The following RYR2 variants were observed in gnomAD, a reference collection of about 807,000 sequenced individuals.
RYR2 encodes the protein cardiac muscle ryanodine receptor-calcium release channel.
A neutral mutation model predicts 601.1 loss-of-function variants in RYR2; 227 were observed. That is an observed-to-expected ratio of 0.38 (90% confidence interval 0.34 to 0.42). The LOEUF is 0.42. Ranked by LOEUF, RYR2 falls within the 10% of genes least tolerant of loss-of-function variation. RYR2 has a pLI of 1.00. For synonymous variants in RYR2, 2,223 were observed against 2,175.1 expected, an observed-to-expected ratio of 1.02 and a Z score of -0.61; for missense variants, 4,646 against 6,156.5, an observed-to-expected ratio of 0.75 and a Z score of 8.21.
intron 2 of RYR2, among the ~76,000 whole-genome samples, chr1:237,308,977 T>A (rs1694221842): frequency 6.6e-6 from 1 of 152,230 alleles, no homozygotes; most frequent in African/African-American, 2.4e-5. Context: ...GTTCTCCAAG[T>A]CCCCACTAGA....
intron 29 of RYR2, among the ~76,000 whole-genome samples, chr1:237,577,551 TGAGAGA>T (rs60270548): frequency 4.6e-5 from 6 of 129,646 alleles, no homozygotes; most frequent in Admixed American, 1.6e-4. Context: ...TGTGTGTGTT[TGAGAGA>T]GAGAGAGAGA....
At position 237,388,175 on chromosome 1, in the gene RYR2, G is replaced by C; in HGVS notation, c.765G>C (p.Glu255Asp). 6.2e-7 allele frequency: 1 copy of C among 1,613,648 alleles called. No homozygotes were observed. The highest frequency in any genetic ancestry group is 8.5e-7 in the Non-Finnish European group (1 of 1,179,768). Reference sequence around the variant, plus strand: ...TCCCTTCAGGAGAACATGGTGAAGAGCAGCGGAGGTTAGTACCTGAGCTCA... The same window carrying C: ...TCCCTTCAGGAGAACATGGTGAAGACCAGCGGAGGTTAGTACCTGAGCTCA... Reference protein sequence around the residue: ...LTVPSGEHGEEQRRTVHYEGG... With the variant: ...LTVPSGEHGEDQRRTVHYEGG... Residue 255 changes from glutamate (E) to aspartate (D), a missense_variant, in exon 10 of 105, where the codon GAG becomes GAC. Around this residue, in one of 17 missense-constraint regions of RYR2, gnomAD observed 87 missense variants for 144.7 expected, o/e 0.60. Transcript: ENST00000366574.
intron 1 of RYR2, among the ~76,000 whole-genome samples, chr1:237,240,684 A>C (rs1266134149): frequency 2.0e-5 from 3 of 149,532 alleles, no homozygotes; most frequent in African/African-American, 7.3e-5. Context: ...AAAAAAAAAA[A>C]AAAAACAGTG....
chr1:237,048,015 T>C (rs1660799649), intron 1 of RYR2, among the ~76,000 whole-genome samples: 1 of 152,222 alleles, frequency 6.6e-6, no homozygotes, highest in Non-Finnish European at 1.5e-5. Context: ...TCGACAGCCC[T>C]GGGCCTTCAC....
chr1:237,781,658 T>G lies in RYR2; in HGVS notation c.11962+12T>G, dbSNP rs777380712. The G allele has an allele frequency of 1.4e-6, 2 of 1,415,626 alleles. No homozygotes were observed. The highest frequency in any genetic ancestry group is 1.8e-5 in the Admixed American group (1 of 54,338). 87.7% of individuals were successfully genotyped at this position (1,415,626 alleles called of 1,614,324 possible). On this transcript the variant is annotated intron_variant, in intron 89 of 104. Transcript: ENST00000366574. ...GTCCATGTTAGAAGGTAGTTTTGATTTATACTTTTAAATTCTCTTTATTAT... is the reference window on the plus strand; with the variant it reads ...GTCCATGTTAGAAGGTAGTTTTGATGTATACTTTTAAATTCTCTTTATTAT...
intron 17 of RYR2, among the ~76,000 whole-genome samples, chr1:237,483,919 T>A (rs1314723253): frequency 1.3e-5 from 2 of 152,252 alleles, no homozygotes; most frequent in African/African-American, 2.4e-5. Context: ...TACCTGTGGT[T>A]TGAATAATTT....
chr1:237,218,767 A>G (rs942525339), intron 1 of RYR2, among the ~76,000 whole-genome samples: 4 of 152,094 alleles, frequency 2.6e-5, no homozygotes, highest in African/African-American at 7.2e-5. Flanking sequence ...GGCTCCCCTC[A>G]TACAGTCAAG....
chr1:237,718,539 C>T lies in RYR2; in HGVS notation c.10554+18C>T. On this transcript the variant is annotated intron_variant, in intron 73 of 104. Coordinates refer to ENST00000366574, the MANE Select transcript of RYR2 (RefSeq NM_001035.3). ...AAGGCAAGGTAAGCCAAATTTTATT[C>T]TTAAGCCACATTTACTACCTATACA... The T allele has an allele frequency of 2.0e-6, 3 of 1,487,618 alleles. No individual in the cohort carries two copies. The highest frequency in any genetic ancestry group is 2.8e-6 in the Non-Finnish European group (3 of 1,066,612). The allele number at this position is 1,487,618 out of a possible 1,614,324, so 92.2% of individuals were successfully genotyped here.
chr1:237,208,982 ATATG>A (rs201158202), intron 1 of RYR2, among the ~76,000 whole-genome samples: 28 of 121,100 alleles, frequency 2.3e-4, no homozygotes, highest in Admixed American at 1.6e-3. Flanking sequence ...ATATATATAT[ATATG>A]TATACTGTAA....
chr1:237,669,327 T>C (rs1465199181), intron 58 of RYR2, among the ~76,000 whole-genome samples: 1 of 152,186 alleles, frequency 6.6e-6, no homozygotes. Flanking sequence ...TTCCCCACCT[T>C]TCCCCCCTCT....
chr1:237,515,942 T>A (rs1241786767), intron 24 of RYR2, among the ~76,000 whole-genome samples: 1 of 97,534 alleles, frequency 1.0e-5, no homozygotes, highest in Non-Finnish European at 2.2e-5. Flanking sequence ...TTCTTCCTCT[T>A]CTCCTTGCTC....
chr1:237,653,262 C>G (rs530776704), intron 51 of RYR2, among the ~76,000 whole-genome samples: 2 of 152,280 alleles, frequency 1.3e-5, no homozygotes, highest in East Asian at 1.9e-4. Flanking sequence ...TGGAACTTCA[C>G]TTGGAGAAGT....
intron 49 of RYR2, among the ~76,000 whole-genome samples, chr1:237,649,556 T>C (rs1682513161): frequency 6.6e-6 from 1 of 152,120 alleles, no homozygotes. Context: ...AGGAAAATAC[T>C]CACATCTGTG....
chr1:237,698,223 T>A (rs1266453113), intron 63 of RYR2, among the ~76,000 whole-genome samples: 1 of 152,002 alleles, frequency 6.6e-6, no homozygotes, highest in Non-Finnish European at 1.5e-5. Context: ...TTCATCATTT[T>A]ATTTGCTTTC....
intron 24 of RYR2, among the ~76,000 whole-genome samples, chr1:237,513,530 A>C (rs1572670141): frequency 6.6e-6 from 1 of 152,358 alleles, no homozygotes; most frequent in East Asian, 1.9e-4. Context: ...TGTTTGACTC[A>C]ATGATGGACT....
intron 1 of RYR2, among the ~76,000 whole-genome samples, chr1:237,094,157 G>T (rs1452562047): frequency 6.6e-6 from 1 of 152,298 alleles, no homozygotes; most frequent in African/African-American, 2.4e-5. Flanking sequence ...AGGTGTTCCT[G>T]GAAAAGGAAG....
intron 11 of RYR2, among the ~76,000 whole-genome samples, chr1:237,422,023 C>T (rs374591571): frequency 6.6e-5 from 10 of 151,964 alleles, no homozygotes; most frequent in African/African-American, 9.7e-5. Context: ...TGATCTTAAG[C>T]TTGTGTCTTA....
At position 237,660,000 on chromosome 1, in the gene RYR2, A is replaced by G. The variant is rs1438045891; in HGVS notation, c.8224A>G (p.Ile2742Val). 1.3e-6 allele frequency: 2 copies of G among 1,587,036 alleles called. No individual in the cohort carries two copies. The highest frequency in any genetic ancestry group is 2.7e-5 in the African/African-American group (2 of 73,466). ...WSMDKLANGWIYGEIYSDSSK... is the reference protein window; with the variant it reads ...WSMDKLANGWVYGEIYSDSSK... Reference sequence around the variant, plus strand: ...TTTTTTTAAGTTGGCAAATGGATGGATTTATGGAGAAATATATTCAGACTC... The same window carrying G: ...TTTTTTTAAGTTGGCAAATGGATGGGTTTATGGAGAAATATATTCAGACTC... The change falls in exon 55 of 105, where the codon ATT (isoleucine) becomes GTT (valine). Residue 2742 changes from isoleucine to valine, a missense_variant. By Grantham distance (29) the Ile-to-Val change is conservative (BLOSUM62 3). This residue lies in a region of RYR2 where 1,497 missense variants were observed against 1,842.6 expected (regional missense o/e 0.81). Transcript: ENST00000366574.
At chr1:237,681,327 G>C (rs1685864133) in intron 62 of RYR2, among the ~76,000 whole-genome samples, 1 of 152,164 alleles carries the variant, frequency 6.6e-6, no homozygotes, top group Admixed American at 6.5e-5. Flanking sequence ...ACTTGACGTC[G>C]ATGCTGTGCT....
Sources: allele counts gnomAD v4.1 joint callset (sites outside exome capture counted in the v4.1 genomes callset), GRCh38; gene constraint gnomAD v4.1.1; regional missense constraint gnomAD v4.1.1; transcripts MANE v1.5; gene names NCBI Gene and HGNC (gene_info 2026-07-23, HGNC 2026-07-21).